The following USP16 variants were observed in gnomAD, a reference collection of about 807,000 sequenced individuals.
USP16 encodes the protein ubiquitin carboxyl-terminal hydrolase 16.
Under a neutral mutation model 95.9 loss-of-function variants are expected in USP16, and 77 were observed. The observed-to-expected ratio is 0.80, with a 90% CI of 0.67 to 0.97. USP16 has a LOEUF of 0.97. Ranked by LOEUF, USP16 falls within the 50% of genes least tolerant of loss-of-function variation. The pLI is 0.00. For synonymous variants in USP16, 303 were observed against 318.2 expected, an observed-to-expected ratio of 0.95 and a Z score of 0.51; for missense variants, 943 against 959.9, an observed-to-expected ratio of 0.98 and a Z score of 0.23.
chr21:29,047,315 A>G lies in USP16; in HGVS notation c.2005A>G (p.Ile669Val), dbSNP rs774158871. The G allele has an allele frequency of 4.4e-6, 7 of 1,604,340 alleles. 1 individual carries two copies. In the South Asian group the frequency reaches 6.7e-5, roughly 15 times the overall value. ...ACAGTGTAATGGACCAAAGGCAAAT[A>G]TAAAAGGTATTTTAATGCTCTCACT... ...RRQCNGPKAN[I>V]KGERKHVYTN... Residue 669 changes from isoleucine to valine, a missense_variant, in exon 14 of 18, where the codon ATA becomes GTA. Physicochemically the swap from Ile to Val is conservative, Grantham distance 29. Transcript: ENST00000399976.
Position 29,037,400 on chromosome 21 carries a change from C to T in USP16, c.573C>T (p.Cys191=). 6.2e-7 allele frequency: 1 copy of T among 1,608,926 alleles called. No homozygotes were observed. Among genetic ancestry groups the T allele is most frequent in the Non-Finnish European group, 8.5e-7 (1 of 1,177,934 alleles). Residue 191 remains cysteine (C), a synonymous_variant, in exon 6 of 18, where the codon TGC becomes TGT. Coordinates refer to ENST00000399976, the MANE Select transcript of USP16 (RefSeq NM_006447.3). The part of the protein sequence containing the change: ...AKENPPMNSP[C]QITVKGLSNL... ...AGAATCCTCCCATGAATTCTCCTTG[C>T]CAAATAACCGTGAAAGGACTCAGTA...
At chr21:29,043,672 C>T in intron 13 of USP16, 73 bp downstream of exon 13, 1 of 1,336,798 alleles carries the variant, frequency 7.5e-7, no homozygotes, top group Non-Finnish European at 9.8e-7. Flanking sequence ...GTCTGAATGA[C>T]ATTGGTTAGA....
intron 9 of USP16, 108 bp downstream of exon 9, chr21:29,039,676 A>C: frequency 9.1e-7 from 1 of 1,100,614 alleles, no homozygotes; most frequent in Non-Finnish European, 1.2e-6. Context: ...TAAGGCCATC[A>C]TACTTTAAAA....
intron 7 of USP16, among the ~76,000 whole-genome samples, chr21:29,038,661 A>G (rs1362927732): frequency 6.6e-6 from 1 of 152,170 alleles, no homozygotes; most frequent in Admixed American, 6.5e-5. Flanking sequence ...CTTCTTGGGA[A>G]TGTGTATATG....
chr21:29,042,617 T>C, intron 12 of USP16, 89 bp downstream of exon 12: 1 of 1,175,724 alleles, frequency 8.5e-7, no homozygotes, highest in South Asian at 1.4e-5. Flanking sequence ...TTTAAGTTTG[T>C]ATATTACTAG....
intron 1 of USP16, chr21:29,025,777 A>G (rs1273226855): frequency 5.2e-6 from 5 of 969,654 alleles, no homozygotes; most frequent in African/African-American, 1.8e-5. Flanking sequence ...CTCAGGTACT[A>G]TTCTATTTTT....
At chr21:29,037,133 A>C (rs1414774094) in intron 5 of USP16, 143 bp from the exon 6 acceptor site, 1 of 448,660 alleles carries the variant, frequency 2.2e-6, no homozygotes, top group African/African-American at 2.0e-5. Flanking sequence ...ATTTACCTGT[A>C]TCTATTTAAA....
intron 16 of USP16, chr21:29,052,259 G>A (rs2085427018): frequency 2.0e-5 from 3 of 152,196 alleles, no homozygotes; most frequent in Non-Finnish European, 2.9e-5. Flanking sequence ...ATTATATTAT[G>A]TCAGTTTCCA....
At chr21:29,048,693 A>G in intron 14 of USP16, 68 bp from the exon 15 acceptor site, 1 of 1,229,444 alleles carries the variant, frequency 8.1e-7, no homozygotes, top group Non-Finnish European at 1.2e-6. Context: ...ATGATTTTAT[A>G]GCAAATCTGA....
In USP16 at chr21:29,037,328, G is replaced by C. The variant is rs371056613; in HGVS notation, c.501G>C (p.Glu167Asp). 3 of 1,580,846 alleles carry C rather than the reference G, an allele frequency of 1.9e-6. No individual in the cohort carries two copies. In the African/African-American group the frequency reaches 4.1e-5, roughly 22 times the overall value. ...TTGAAAATAAAAAATTAGAAAAAGA[G>C]AGTAAGAATGAACAAGAGAGAGAAA... is the stretch of plus-strand genomic sequence containing the variant. ...IELENKKLEK[E>D]SKNEQEREKK... is the part of the protein sequence containing the mutation. Residue 167 changes from glutamate to aspartate, a missense_variant, in exon 6 of 18, where the codon GAG becomes GAC. Coordinates refer to ENST00000399976, the MANE Select transcript of USP16 (RefSeq NM_006447.3).
At chr21:29,029,366 T>C (rs1008958717) in intron 2 of USP16, among the ~76,000 whole-genome samples, 1 of 152,156 alleles carries the variant, frequency 6.6e-6, no homozygotes, top group African/African-American at 2.4e-5. Context: ...TGAGCCGAGA[T>C]TGTGCCACTG....
rs763367489 is a variant in USP16 at position 29,048,797 on chromosome 21, A to G, written c.2048A>G (p.Gln683Arg). 38 of 1,613,796 alleles carry G rather than the reference A, an allele frequency of 2.4e-5. No homozygotes were observed. In the East Asian group the frequency reaches 7.8e-4, roughly 33 times the overall value. The change falls in exon 15 of 18, where the codon CAG becomes CGG. Residue 683 changes from glutamine (Q) to arginine (R), a missense_variant. By Grantham distance (43) the Gln-to-Arg change is conservative. Coordinates refer to ENST00000399976, the MANE Select transcript of USP16 (RefSeq NM_006447.3). ...CATGTTTACACCAATGCCAAAAAGC[A>G]GATGCTAATTTCTCTTGCTCCTCCT... ...RKHVYTNAKK[Q>R]MLISLAPPVL...
chr21:29,038,367 A>G lies in USP16; in HGVS notation c.669A>G (p.Leu223=). The G allele has an allele frequency of 3.1e-6, 5 of 1,613,064 alleles. No individual in the cohort carries two copies. The highest frequency in any genetic ancestry group is 4.2e-6 in the Non-Finnish European group (5 of 1,179,330). ...NLSQTPVLRE[L]LKEVKMSGTI... is the part of the protein sequence containing the mutation. Reference sequence around the variant, plus strand: ...CACAAACACCAGTGCTTAGAGAACTACTAAAAGAAGTGAAAATGTCTGGAA... The same window carrying G: ...CACAAACACCAGTGCTTAGAGAACTGCTAAAAGAAGTGAAAATGTCTGGAA... Residue 223 remains leucine, a synonymous_variant, in exon 7 of 18, where the codon CTA becomes CTG. Transcript: ENST00000399976.
intron 10 of USP16, among the ~76,000 whole-genome samples, chr21:29,041,131 C>T (rs1038767889): frequency 1.3e-5 from 2 of 152,000 alleles, no homozygotes; most frequent in African/African-American, 4.8e-5. Flanking sequence ...ACGTGTGGCG[C>T]CTGAAATGTG....
At chr21:29,050,257 T>G in intron 16 of USP16, 79 bp downstream of exon 16, 1 of 1,289,370 alleles carries the variant, frequency 7.8e-7, no homozygotes, top group Non-Finnish European at 1.1e-6. Context: ...AGCAACTCAC[T>G]TAAGTATGAA....
intron 2 of USP16, 38 bp from the exon 3 acceptor site, chr21:29,030,557 G>T: frequency 6.8e-7 from 1 of 1,463,786 alleles, no homozygotes; most frequent in South Asian, 1.5e-5. Context: ...AGTCATTTTT[G>T]ACCTTATATA....
At position 29,043,473 on chromosome 21, in the gene USP16, T is replaced by G; in HGVS notation, c.1230T>G (p.Asp410Glu). 6.3e-7 allele frequency: 1 copy of G among 1,578,796 alleles called. No individual in the cohort carries two copies. Among genetic ancestry groups the G allele is most frequent in the Non-Finnish European group, 8.6e-7 (1 of 1,165,912 alleles). ...AAAATCTGAAAAAGACAGTGGAGGA[T>G]GAAGATCAAGATAGTGAGGAAGAAA... ...NDKNLKKTVE[D>E]EDQDSEEEKD... Residue 410 changes from aspartate to glutamate, a missense_variant, in exon 13 of 18, where the codon GAT becomes GAG. By Grantham distance (45) the Asp-to-Glu change is conservative. Transcript: ENST00000399976.
chr21:29,054,250 T>TA lies in USP16; in HGVS notation c.*70dup, dbSNP rs1045478388. On this transcript the variant is annotated 3_prime_UTR_variant, in exon 18 of 18. Coordinates refer to ENST00000399976, the MANE Select transcript of USP16 (RefSeq NM_006447.3). Reference sequence around the variant, plus strand: ...GCTTTTATAATGGCTGAAATAACGATAAAAAAAGACTAATTAAAATCATGT... The same window carrying TA: ...GCTTTTATAATGGCTGAAATAACGATAAAAAAAAGACTAATTAAAATCATGT... 5.2e-6 allele frequency: 8 copies of TA among 1,532,818 alleles called. No homozygotes were observed. Among genetic ancestry groups the TA allele is most frequent in the East Asian group, 2.3e-5 (1 of 43,948 alleles). 95.0% of individuals were successfully genotyped at this position (1,532,818 alleles called of 1,614,324 possible).
In USP16 at chr21:29,034,936, G is replaced by A. The variant is rs2085132298; in HGVS notation, c.340G>A (p.Val114Ile). 6.2e-7 allele frequency: 1 copy of A among 1,612,740 alleles called. No homozygotes were observed. The highest frequency in any genetic ancestry group is 8.5e-7 in the Non-Finnish European group (1 of 1,178,960). The change falls in exon 4 of 18, where the codon GTA (valine) becomes ATA (isoleucine). Residue 114 changes from valine to isoleucine, a missense_variant. Val to Ile is a conservative substitution (Grantham distance 29, BLOSUM62 3). Transcript: ENST00000399976. ...CLVLSLDNWS[V>I]WCYVCDNEVQ... is the part of the protein sequence containing the mutation. ...GGTTCTTAGTTTGGACAACTGGAGTGTATGGTGAGTTTCAGTTCCTCTGCC... is the reference window on the plus strand; with the variant it reads ...GGTTCTTAGTTTGGACAACTGGAGTATATGGTGAGTTTCAGTTCCTCTGCC...
Sources: gnomAD v4.1 joint callset for allele counts (sites outside exome capture counted in the v4.1 genomes callset) on GRCh38, gnomAD v4.1.1 for gene constraint, MANE v1.5 for transcripts, NCBI Gene and HGNC (gene_info 2026-07-23, HGNC 2026-07-21) for gene names.